Variants in PTGES observed in about 807,000 individuals in gnomAD.
PTGES encodes the protein MGST1-like 1.
A neutral mutation model predicts 11.8 loss-of-function variants in PTGES; 3 were observed. The observed-to-expected ratio is 0.25, with a 90% CI of 0.12 to 0.66. The LOEUF (loss-of-function observed/expected upper bound fraction) is 0.66. PTGES is among the 30% of genes least tolerant of loss of function. PTGES has a pLI of 0.82. For missense variants in PTGES, 180 were observed against 213.0 expected (o/e 0.85, Z 0.96); for synonymous variants, 94 against 90.4 (o/e 1.04, Z -0.22).
Position 129,747,323 on chromosome 9 carries a change from T to C in PTGES, c.209+1332A>G, listed in dbSNP as rs553268895. Among the ~76,000 whole-genome samples the C allele has an allele frequency of 1.8e-3, 274 of 152,358 alleles. 1 individual carries two copies. The highest frequency in any genetic ancestry group is 6.3e-3 in the African/African-American group (264 of 41,586). On this transcript the variant is annotated intron_variant, in intron 2 of 2. Transcript: ENST00000340607. ...TAATTTTATGGAAAATATTTAGCTA[T>C]AGAAGACAAAGAGGAGAGAGATGCA...
chr9:129,746,229 G>T (rs1001432559), intron 2 of PTGES, among the ~76,000 whole-genome samples: 1 of 152,144 alleles, frequency 6.6e-6, no homozygotes, highest in Non-Finnish European at 1.5e-5. Context: ...GAGCCAAAAC[G>T]CATCCTCTTG....
chr9:129,747,659 G>A (rs1833060406), intron 2 of PTGES, among the ~76,000 whole-genome samples: 1 of 152,230 alleles, frequency 6.6e-6, no homozygotes, highest in South Asian at 2.1e-4. Context: ...CCAGTAGTGG[G>A]ACATGATTTT....
chr9:129,752,508 C>A (rs760186980), intron 1 of PTGES, among the ~76,000 whole-genome samples: 1 of 152,230 alleles, frequency 6.6e-6, no homozygotes, highest in African/African-American at 2.4e-5. Flanking sequence ...TCCTGTTTTG[C>A]CGGTTCCCAC....
chr9:129,751,732 T>A (rs1430874468), intron 1 of PTGES, among the ~76,000 whole-genome samples: 1 of 151,936 alleles, frequency 6.6e-6, no homozygotes, highest in Non-Finnish European at 1.5e-5. Flanking sequence ...ACACTGGAGT[T>A]CAAACCGGGC....
intron 1 of PTGES, 123 bp downstream of exon 1, chr9:129,752,764 G>A: frequency 6.9e-7 from 1 of 1,458,550 alleles, no homozygotes; most frequent in Non-Finnish European, 9.4e-7. Flanking sequence ...GGGGCTGGAA[G>A]AGGTGCTCAC....
intron 1 of PTGES, among the ~76,000 whole-genome samples, chr9:129,751,981 C>T (rs1179137798): frequency 1.3e-5 from 2 of 152,210 alleles, no homozygotes; most frequent in Non-Finnish European, 2.9e-5. Flanking sequence ...TATCAGTGTG[C>T]TGTAGCCTCC....
At chr9:129,741,265 T>C (rs1407470843) in intron 2 of PTGES, among the ~76,000 whole-genome samples, 1 of 152,164 alleles carries the variant, frequency 6.6e-6, no homozygotes, top group Non-Finnish European at 1.5e-5. Flanking sequence ...GCATGTTCAA[T>C]GTGCAGAAAG....
intron 2 of PTGES, among the ~76,000 whole-genome samples, chr9:129,742,708 C>T (rs10988487): frequency 0.072 from 10,942 of 151,926 alleles, 471 homozygotes; most frequent in East Asian, 0.19. Flanking sequence ...CCCATCTCTA[C>T]TAAAAATACA....
chr9:129,750,134 G>C (rs1013269300), intron 1 of PTGES, among the ~76,000 whole-genome samples: 1 of 152,216 alleles, frequency 6.6e-6, no homozygotes, highest in African/African-American at 2.4e-5. Flanking sequence ...GTCACACTGA[G>C]ATCATCAGAG....
At chr9:129,746,130 A>AC (rs1290315379) in intron 2 of PTGES, among the ~76,000 whole-genome samples, 1 of 152,074 alleles carries the variant, frequency 6.6e-6, no homozygotes, top group African/African-American at 2.4e-5. Flanking sequence ...GTAAAAATAA[A>AC]CCAAGTATCT....
At chr9:129,751,169 C>G (rs1264419882) in intron 1 of PTGES, among the ~76,000 whole-genome samples, 5 of 151,400 alleles carry the variant, frequency 3.3e-5, no homozygotes, top group Admixed American at 2.6e-4. Context: ...CTACCAAAAA[C>G]ATAAAAAATT....
rs1158307442 is a variant in PTGES, at chr9:129,745,760, T to C, written c.209+2895A>G. On this transcript the variant is annotated intron_variant, in intron 2 of 2. Transcript: ENST00000340607. This position sits in a 1 kb window ranked among gnomAD's most constrained non-coding sequence, Gnocchi z 4.2. ...AGGGGTTATTTTGGGCTGGGCGCAA[T>C]GGCTCACGCCTGTAATCCCAGCACT... is the stretch of plus-strand genomic sequence containing the variant. Among the ~76,000 whole-genome samples the C allele has an allele frequency of 1.3e-5, 2 of 152,174 alleles. No individual in the cohort carries two copies. The highest frequency in any genetic ancestry group is 1.3e-4 in the Admixed American group (2 of 15,272).
At chr9:129,742,051 C>T (rs536380553) in intron 2 of PTGES, among the ~76,000 whole-genome samples, 15 of 151,528 alleles carry the variant, frequency 9.9e-5, no homozygotes, top group Admixed American at 3.9e-4. Flanking sequence ...GGTGCAGTGG[C>T]TCATGCCTGT....
chr9:129,743,645 C>CTT (rs1833022354), intron 2 of PTGES, among the ~76,000 whole-genome samples: 2 of 152,190 alleles, frequency 1.3e-5, no homozygotes, highest in Non-Finnish European at 2.9e-5. Flanking sequence ...CTGGCATCCA[C>CTT]GGTGGGGCCA....
At chr9:129,748,594 G>C in intron 2 of PTGES, 61 bp downstream of exon 2, 1 of 1,369,420 alleles carries the variant, frequency 7.3e-7, no homozygotes, top group Non-Finnish European at 9.8e-7. Flanking sequence ...GTGTGCAGAA[G>C]AAGTTCTGAA....
chr9:129,748,519 TA>T, intron 2 of PTGES, 135 bp downstream of exon 2: 2 of 623,860 alleles, frequency 3.2e-6, no homozygotes, highest in Non-Finnish European at 5.1e-6. Flanking sequence ...TTGAATAAAG[TA>T]AAACAGTCAG....
intron 2 of PTGES, among the ~76,000 whole-genome samples, chr9:129,746,702 C>T (rs1378590409): frequency 6.6e-6 from 1 of 152,210 alleles, no homozygotes; most frequent in South Asian, 2.1e-4. Context: ...GACAGTTTGT[C>T]TCCGGCCTCA....
intron 2 of PTGES, among the ~76,000 whole-genome samples, chr9:129,747,736 G>A: frequency 6.6e-6 from 1 of 152,106 alleles, no homozygotes; most frequent in Non-Finnish European, 1.5e-5. Context: ...GAGGCCGGGT[G>A]CGGTGGCTCA....
intron 2 of PTGES, among the ~76,000 whole-genome samples, chr9:129,747,526 G>A (rs1274716006): frequency 6.6e-6 from 1 of 152,132 alleles, no homozygotes; most frequent in Non-Finnish European, 1.5e-5. Flanking sequence ...ATAAAGAAGT[G>A]CAAAGCAAAA....
Sources: allele counts gnomAD v4.1 joint callset (sites outside exome capture counted in the v4.1 genomes callset), GRCh38; gene constraint gnomAD v4.1.1; non-coding constraint Gnocchi (gnomAD v3.1); transcripts MANE v1.5; gene names NCBI Gene and HGNC (gene_info 2026-07-23, HGNC 2026-07-21).